The following CSMD1 variants were observed in gnomAD, a reference collection of about 807,000 sequenced individuals.
CSMD1 encodes CUB and Sushi multiple domains 1, also known as CUB and sushi domain-containing protein 1.
Under a neutral mutation model 417.5 loss-of-function variants are expected in CSMD1, and 213 were observed. The observed-to-expected ratio is 0.51, with a 90% CI of 0.46 to 0.57. CSMD1 has a LOEUF of 0.57. Ranked by LOEUF, CSMD1 falls within the 20% of genes least tolerant of loss-of-function variation. CSMD1 has a pLI of 0.00. For synonymous variants in CSMD1, 2,862 were observed against 1,736.8 expected, an observed-to-expected ratio of 1.65 and a Z score of -16.11; for missense variants, 6,923 against 4,529.7, an observed-to-expected ratio of 1.53 and a Z score of -15.17.
At chr8:3,515,996 T>A (rs1797267556) in intron 10 of CSMD1, among the ~76,000 whole-genome samples, 1 of 152,196 alleles carries the variant, frequency 6.6e-6, no homozygotes, top group Admixed American at 6.5e-5. Context: ...AGGTTTAAAA[T>A]TAGTAAGTCT....
intron 1 of CSMD1, chr8:4,788,160 A>T: frequency 1.0e-5 from 16 of 1,598,670 alleles, no homozygotes; most frequent in Non-Finnish European, 1.4e-5. Flanking sequence ...CTGTGAAAAA[A>T]TCAAGAAGGC....
intron 26 of CSMD1, among the ~76,000 whole-genome samples, chr8:3,237,536 T>C (rs989377747): frequency 6.8e-6 from 1 of 146,658 alleles, no homozygotes; most frequent in South Asian, 2.1e-4. Flanking sequence ...TATATATTTA[T>C]ATATTATATA....
chr8:3,578,092 G>C (rs994434464), intron 9 of CSMD1, among the ~76,000 whole-genome samples: 1 of 152,164 alleles, frequency 6.6e-6, no homozygotes, highest in Non-Finnish European at 1.5e-5. Flanking sequence ...GGAGAGAGAA[G>C]AGCCAACATA....
rs1426935222 is a variant in CSMD1, at chr8:2,961,309, A to C, written c.9629-95T>G. On this transcript the variant is annotated intron_variant, in intron 61 of 69. Coordinates refer to ENST00000635120, the MANE Select transcript of CSMD1 (RefSeq NM_033225.6). ...ACTAAAAGGTCTCATGAAATAGAGA[A>C]AATATTGTTTTGAGAAATGTGCAAG... The C allele has an allele frequency of 2.5e-5, 16 of 630,040 alleles. No homozygotes were observed. In the Middle Eastern group the frequency reaches 8.1e-4, roughly 32 times the overall value. The allele number at this position is 630,040 out of a possible 1,614,324, so 39.0% of individuals were successfully genotyped here.
chr8:3,776,713 TGATA>T (rs1248345289), intron 5 of CSMD1, among the ~76,000 whole-genome samples: 3 of 151,348 alleles, frequency 2.0e-5, no homozygotes, highest in Non-Finnish European at 4.4e-5. Context: ...CCTGGAGAGA[TGATA>T]GATACATTAG....
At chr8:3,539,723 C>T (rs937272576) in intron 10 of CSMD1, among the ~76,000 whole-genome samples, 2 of 148,630 alleles carry the variant, frequency 1.3e-5, no homozygotes, top group East Asian at 2.0e-4. Context: ...AAAAACATAT[C>T]ACACATTGAA....
chr8:4,259,479 A>C (rs1803721260), intron 3 of CSMD1, among the ~76,000 whole-genome samples: 1 of 152,126 alleles, frequency 6.6e-6, no homozygotes, highest in Non-Finnish European at 1.5e-5. Flanking sequence ...TAAAAATTAA[A>C]TTTTCATACA....
At chr8:3,909,854 A>G (rs1183673871) in intron 5 of CSMD1, among the ~76,000 whole-genome samples, 1 of 152,154 alleles carries the variant, frequency 6.6e-6, no homozygotes, top group East Asian at 1.9e-4. Context: ...GTCCTGCTGT[A>G]TACAAGTTGA....
chr8:3,241,433 C>G (rs1034245538), intron 26 of CSMD1, among the ~76,000 whole-genome samples: 7 of 152,152 alleles, frequency 4.6e-5, no homozygotes, highest in Non-Finnish European at 1.5e-5. Context: ...AGCTCGGCAT[C>G]TGTGTTGGTC....
At chr8:3,883,077 C>A (rs1393011853) in intron 5 of CSMD1, among the ~76,000 whole-genome samples, 1 of 152,134 alleles carries the variant, frequency 6.6e-6, no homozygotes, top group Non-Finnish European at 1.5e-5. Context: ...TGTGTCTTGA[C>A]TATTTACTCT....
chr8:3,803,719 C>A (rs1486341152), intron 5 of CSMD1, among the ~76,000 whole-genome samples: 1 of 152,182 alleles, frequency 6.6e-6, no homozygotes, highest in Non-Finnish European at 1.5e-5. Context: ...TTTTATTCAA[C>A]TTCAGATTGG....
intron 3 of CSMD1, among the ~76,000 whole-genome samples, chr8:4,279,206 T>C (rs1796647866): frequency 6.7e-6 from 1 of 149,340 alleles, no homozygotes; most frequent in Non-Finnish European, 1.5e-5. Flanking sequence ...GTATACACAC[T>C]AACACACACA....
chr8:3,874,256 A>C (rs907270194), intron 5 of CSMD1, among the ~76,000 whole-genome samples: 2 of 152,124 alleles, frequency 1.3e-5, no homozygotes, highest in African/African-American at 4.8e-5. Flanking sequence ...TGTTTATTTT[A>C]CTGTTAGAAT....
At chr8:3,509,175 C>G (rs78102124) in intron 10 of CSMD1, among the ~76,000 whole-genome samples, 3,013 of 152,210 alleles carry the variant, frequency 0.02, 150 homozygotes, top group East Asian at 0.2. Context: ...GTTTCTATGT[C>G]AAGAAAGTGA....
At chr8:3,700,922 A>G (rs2624105) in intron 7 of CSMD1, among the ~76,000 whole-genome samples, 145,426 of 152,048 alleles carry the variant, frequency 0.96, 69,611 homozygotes, top group East Asian at 1. Flanking sequence ...GATCCTTCTG[A>G]TTGCAGGGTG....
At chr8:3,975,817 C>G (rs972722791) in intron 5 of CSMD1, among the ~76,000 whole-genome samples, 3 of 152,114 alleles carry the variant, frequency 2.0e-5, no homozygotes, top group Non-Finnish European at 4.4e-5. Context: ...TATTTTTATT[C>G]AAATACATTC....
chr8:3,074,191 G>A (rs1813488823), intron 49 of CSMD1, among the ~76,000 whole-genome samples: 1 of 152,180 alleles, frequency 6.6e-6, no homozygotes, highest in South Asian at 2.1e-4. Flanking sequence ...CATGTTCTGT[G>A]TCTTTCTTCA....
chr8:4,818,212 T>C (rs1212350634), intron 1 of CSMD1, among the ~76,000 whole-genome samples: 2 of 152,184 alleles, frequency 1.3e-5, no homozygotes, highest in African/African-American at 2.4e-5. Flanking sequence ...CCTGAGCAAA[T>C]GTTTTAAAAT....
At chr8:4,782,783 G>C (rs896312649) in intron 1 of CSMD1, among the ~76,000 whole-genome samples, 5 of 152,072 alleles carry the variant, frequency 3.3e-5, no homozygotes, top group Non-Finnish European at 5.9e-5. Context: ...TAGTTTCCAA[G>C]ATTCCTGATT....
Sources: gnomAD v4.1 joint callset for allele counts (sites outside exome capture counted in the v4.1 genomes callset) on GRCh38, gnomAD v4.1.1 for gene constraint, MANE v1.5 for transcripts, NCBI Gene and HGNC (gene_info 2026-07-23, HGNC 2026-07-21) for gene names.